SYNDIG1L: variants seen among roughly 807,000 people sequenced by gnomAD.
SYNDIG1L encodes the protein synapse differentiation-inducing gene protein 1-like.
In SYNDIG1L, 13 loss-of-function variants were observed where a neutral mutation model predicts 20.1. The ratio of observed to expected loss-of-function variants is 0.65; its 90% confidence interval spans 0.42 to 1.03. SYNDIG1L has a LOEUF of 1.03. SYNDIG1L is among the 50% of genes least tolerant of loss of function. The probability of loss-of-function intolerance (pLI) is 0.00; values close to 1 mark genes in which losing one functional copy is unlikely to be tolerated. For synonymous variants in SYNDIG1L, 128 were observed against 129.3 expected (o/e 0.99, Z 0.07); for missense variants, 294 against 305.1 (o/e 0.96, Z 0.27).
the SYNDIG1L span, among the ~76,000 whole-genome samples, chr14:74,452,515 C>T: frequency 5.3e-5 from 8 of 152,274 alleles, no homozygotes; most frequent in African/African-American, 1.9e-4. Flanking sequence ...GTACTTGCTC[C>T]TCCTTGCCTT....
chr14:74,478,068 G>A, the SYNDIG1L span, among the ~76,000 whole-genome samples: 1 of 152,146 alleles, frequency 6.6e-6, no homozygotes, highest in Non-Finnish European at 1.5e-5. Flanking sequence ...TAAACTAGCC[G>A]AAATACTTTT....
the SYNDIG1L span, among the ~76,000 whole-genome samples, chr14:74,441,130 T>C: frequency 6.6e-6 from 1 of 152,230 alleles, no homozygotes; most frequent in Non-Finnish European, 1.5e-5. Flanking sequence ...ACTGCTAGAA[T>C]AGATATATGA....
At chr14:74,432,178 T>TGAGAGA in the SYNDIG1L span, among the ~76,000 whole-genome samples, 16 of 130,276 alleles carry the variant, frequency 1.2e-4, no homozygotes, top group East Asian at 1.0e-3. Flanking sequence ...TGTGTGTGTG[T>TGAGAGA]GTGAGAGAGA....
At chr14:74,418,626 T>C (rs955347087) in intron 1 of SYNDIG1L, among the ~76,000 whole-genome samples, 2 of 152,222 alleles carry the variant, frequency 1.3e-5, no homozygotes, top group African/African-American at 4.8e-5. Context: ...AAAGTGATGC[T>C]ATGTGACTTC....
the SYNDIG1L span, chr14:74,472,482 A>G: frequency 2.0e-5 from 3 of 152,274 alleles, no homozygotes; most frequent in African/African-American, 7.2e-5. Flanking sequence ...TCCTTGGACT[A>G]ATAGCTGTGC....
chr14:74,449,438 CAAAAAAAAAAAAAAA>C, the SYNDIG1L span, among the ~76,000 whole-genome samples: 1 of 34,000 alleles, frequency 2.9e-5, no homozygotes, highest in African/African-American at 1.2e-4. Flanking sequence ...CCTGTCTTTA[CAAAAAAAAAAAAAAA>C]AAAAAAAAAA....
At chr14:74,438,164 T>C in the SYNDIG1L span, among the ~76,000 whole-genome samples, 2 of 152,222 alleles carry the variant, frequency 1.3e-5, no homozygotes, top group Non-Finnish European at 2.9e-5. Flanking sequence ...CATCAATATC[T>C]CTTCAGTAAA....
the SYNDIG1L span, among the ~76,000 whole-genome samples, chr14:74,438,921 T>C: frequency 6.6e-6 from 1 of 152,176 alleles, no homozygotes; most frequent in Non-Finnish European, 1.5e-5. Context: ...AAGACCAGCC[T>C]GGCCAATATC....
chr14:74,451,984 T>TAAAAAAA, the SYNDIG1L span, among the ~76,000 whole-genome samples: 1 of 65,278 alleles, frequency 1.5e-5, no homozygotes, highest in African/African-American at 6.5e-5. Context: ...AGACTTTGTC[T>TAAAAAAA]AAAAAAAAAA....
chr14:74,447,220 G>A, the SYNDIG1L span, among the ~76,000 whole-genome samples: 1 of 152,130 alleles, frequency 6.6e-6, no homozygotes, highest in Non-Finnish European at 1.5e-5. Flanking sequence ...TAGATAAAGG[G>A]AGTCTCTGCA....
At chr14:74,469,890 A>G in the SYNDIG1L span, among the ~76,000 whole-genome samples, 1 of 152,194 alleles carries the variant, frequency 6.6e-6, no homozygotes, top group African/African-American at 2.4e-5. Context: ...CTCTGCCAGC[A>G]ATTAATTTAC....
chr14:74,407,483 C>A lies in SYNDIG1L; in HGVS notation c.*52G>T. 1 of 1,609,036 alleles carries A rather than the reference C, an allele frequency of 6.2e-7. No individual in the cohort carries two copies. Among genetic ancestry groups the A allele is most frequent in the Non-Finnish European group, 8.5e-7 (1 of 1,179,328 alleles). ...TCCATAGGGTCTGCAACTCCAAGCC[C>A]CACTGCTTCCTCAGGTGGGCAGGGG... On this transcript the variant is annotated 3_prime_UTR_variant, in exon 4 of 4. Transcript: ENST00000331628.
chr14:74,434,398 T>C, the SYNDIG1L span, among the ~76,000 whole-genome samples: 1 of 152,102 alleles, frequency 6.6e-6, no homozygotes, highest in Non-Finnish European at 1.5e-5. Flanking sequence ...AGAATAATAG[T>C]AAATGAGGTC....
At chr14:74,463,531 GCA>G in the SYNDIG1L span, among the ~76,000 whole-genome samples, 1 of 152,160 alleles carries the variant, frequency 6.6e-6, no homozygotes, top group Non-Finnish European at 1.5e-5. Flanking sequence ...GTTCAGATCA[GCA>G]CTTTGAGGCT....
chr14:74,462,518 G>A, the SYNDIG1L span, among the ~76,000 whole-genome samples: 1 of 151,254 alleles, frequency 6.6e-6, no homozygotes, highest in Non-Finnish European at 1.5e-5. Context: ...GCTAAGCTAT[G>A]AGTTTGGTAG....
chr14:74,413,008 T>C (rs1201817785), intron 1 of SYNDIG1L, among the ~76,000 whole-genome samples: 1 of 152,184 alleles, frequency 6.6e-6, no homozygotes, highest in African/African-American at 2.4e-5. Flanking sequence ...ACCCCTGCCC[T>C]ACGCTCTGTC....
chr14:74,476,780 T>C, the SYNDIG1L span, among the ~76,000 whole-genome samples: 2 of 152,048 alleles, frequency 1.3e-5, no homozygotes, highest in African/African-American at 4.8e-5. Context: ...CCTGGTAGGT[T>C]CCCATAGCAA....
chr14:74,476,551 G>C, the SYNDIG1L span: 1 of 1,535,698 alleles, frequency 6.5e-7, no homozygotes, highest in Non-Finnish European at 8.7e-7. Context: ...TGTGCTCTGT[G>C]GCTAGCATTG....
rs962264977 is a variant in SYNDIG1L, at chr14:74,406,727, A to AC, written c.*807dup. The AC allele has an allele frequency of 6.6e-6, 1 of 152,066 alleles. No homozygotes were observed. The highest frequency in any genetic ancestry group is 2.4e-5 in the African/African-American group (1 of 41,326). 9.4% of individuals were successfully genotyped at this position (152,066 alleles called of 1,614,324 possible). A position where few individuals can be genotyped will look rare whatever the true frequency, so the allele number is the denominator to read the frequency against. On this transcript the variant is annotated 3_prime_UTR_variant, in exon 4 of 4. Transcript: ENST00000331628. The stretch of plus-strand genomic sequence containing the variant: ...TACTTGTGATGGCACCAGCTCACGG[A>AC]CCCCCAGGCAAAGCCCAGAAAAGGA...
Sources: allele counts gnomAD v4.1 joint callset (sites outside exome capture counted in the v4.1 genomes callset), GRCh38; gene constraint gnomAD v4.1.1; transcripts MANE v1.5; gene names NCBI Gene and HGNC (gene_info 2026-07-23, HGNC 2026-07-21).